The following ZFAT variants were observed in gnomAD, a reference collection of about 807,000 sequenced individuals.
The protein encoded by ZFAT is zinc finger and AT-hook domain containing.
A neutral mutation model predicts 117.7 loss-of-function variants in ZFAT; 64 were observed. The ratio of observed to expected loss-of-function variants is 0.54; its 90% CI spans 0.44 to 0.67. The LOEUF (loss-of-function observed/expected upper bound fraction) is 0.67. ZFAT is among the 30% of genes least tolerant of loss of function. The probability of loss-of-function intolerance (pLI) is 0.00; values close to 1 mark genes in which losing one functional copy is unlikely to be tolerated. For synonymous variants in ZFAT, 679 were observed against 615.0 expected (o/e 1.10, Z -1.54); for missense variants, 1,433 against 1,584.5 (o/e 0.90, Z 1.62).
the ZFAT span, among the ~76,000 whole-genome samples, chr8:134,748,632 C>G: frequency 6.6e-6 from 1 of 152,196 alleles, no homozygotes; most frequent in African/African-American, 2.4e-5. Flanking sequence ...CTTCACTATA[C>G]AACGCGACAC....
At position 134,689,036 on chromosome 8, in the gene ZFAT, G is replaced by A. The variant is rs145541772; in HGVS notation, c.19+23809C>T. ...TGCAGTTTACTAACATCACACTGAG[G>A]TAGAAGGCAGGCAGGATTCAACTCC... On this transcript the variant is annotated intron_variant, in intron 1 of 15. Coordinates refer to ENST00000377838, the MANE Select transcript of ZFAT (RefSeq NM_020863.4). Among the ~76,000 whole-genome samples the A allele has an allele frequency of 3.0e-4, 45 of 152,278 alleles. No individual in the cohort carries two copies. The East Asian group carries it at 8.3e-3, about 28-fold the overall frequency.
intron 2 of ZFAT, among the ~76,000 whole-genome samples, chr8:134,644,144 CA>C (rs1830740478): frequency 6.6e-6 from 1 of 152,186 alleles, no homozygotes; most frequent in Non-Finnish European, 1.5e-5. Context: ...ATTTGCCATT[CA>C]CCAGCTAGGG....
intron 3 of ZFAT, among the ~76,000 whole-genome samples, chr8:134,625,054 A>G (rs58948487): frequency 0.23 from 35,333 of 152,082 alleles, 4,542 homozygotes; most frequent in African/African-American, 0.33. Flanking sequence ...TTCACTCCAC[A>G]CTGCTAATAA....
At chr8:134,671,175 C>T (rs974352012) in intron 1 of ZFAT, among the ~76,000 whole-genome samples, 3 of 152,192 alleles carry the variant, frequency 2.0e-5, no homozygotes, top group African/African-American at 7.2e-5. Flanking sequence ...ACCAGAGGTA[C>T]AAGGAGGAGC....
chr8:134,493,503 A>G (rs1009881892), intron 15 of ZFAT, among the ~76,000 whole-genome samples: 4 of 152,256 alleles, frequency 2.6e-5, no homozygotes, highest in African/African-American at 9.6e-5. Flanking sequence ...TACCTCTTGC[A>G]TGTCTCGGCA....
intron 1 of ZFAT, among the ~76,000 whole-genome samples, chr8:134,702,604 C>G (rs1254154308): frequency 1.3e-5 from 2 of 152,056 alleles, no homozygotes; most frequent in Admixed American, 1.3e-4. Context: ...CTTTTGCCTT[C>G]TGCCATGATT....
chr8:134,813,004 C>T, the ZFAT span, among the ~76,000 whole-genome samples: 1 of 152,134 alleles, frequency 6.6e-6, no homozygotes, highest in Non-Finnish European at 1.5e-5. Context: ...ACTGTCTGTG[C>T]TGTTAACTGA....
At chr8:134,633,045 A>G (rs1214295699) in intron 3 of ZFAT, among the ~76,000 whole-genome samples, 1 of 152,200 alleles carries the variant, frequency 6.6e-6, no homozygotes, top group Non-Finnish European at 1.5e-5. Flanking sequence ...CACATTCTAC[A>G]GGGCAGTTTG....
chr8:134,617,540 T>C (rs1298019066), intron 3 of ZFAT, among the ~76,000 whole-genome samples: 3 of 152,170 alleles, frequency 2.0e-5, no homozygotes, highest in Non-Finnish European at 4.4e-5. Flanking sequence ...TAATGTAGAC[T>C]CAGGGACCCC....
At chr8:134,613,996 A>AGTGG (rs1260194991) in intron 3 of ZFAT, among the ~76,000 whole-genome samples, 1 of 152,238 alleles carries the variant, frequency 6.6e-6, no homozygotes, top group Admixed American at 6.5e-5. Context: ...TCTCATTGTT[A>AGTGG]AACTCGTTTT....
At chr8:134,612,932 G>GT (rs1467414735) in intron 3 of ZFAT, among the ~76,000 whole-genome samples, 1 of 152,150 alleles carries the variant, frequency 6.6e-6, no homozygotes, top group Admixed American at 6.5e-5. Context: ...CCTAACAGCA[G>GT]TTTTCATTTT....
At chr8:134,795,702 T>G in the ZFAT span, 3 of 152,182 alleles carry the variant, frequency 2.0e-5, no homozygotes, top group African/African-American at 7.2e-5. Flanking sequence ...TGGTGTTTAA[T>G]TTTTAGTCTC....
At chr8:134,495,608 C>G (rs79406644) in intron 15 of ZFAT, among the ~76,000 whole-genome samples, 2,340 of 152,240 alleles carry the variant, frequency 0.015, 62 homozygotes, top group African/African-American at 0.052. Context: ...GTTTACCTCC[C>G]TGGACCAAGC....
the ZFAT span, chr8:134,797,685 C>A: frequency 6.6e-6 from 1 of 151,772 alleles, no homozygotes; most frequent in South Asian, 2.1e-4. Flanking sequence ...AGTAAAAATA[C>A]CCTTGGGACT....
chr8:134,553,478 G>A (rs939504727), intron 11 of ZFAT, among the ~76,000 whole-genome samples: 3 of 152,204 alleles, frequency 2.0e-5, no homozygotes, highest in African/African-American at 7.2e-5. Context: ...ACTACAGCCT[G>A]GGCAACAGAG....
intron 9 of ZFAT, among the ~76,000 whole-genome samples, chr8:134,586,419 C>T (rs1826071317): frequency 6.6e-6 from 1 of 152,220 alleles, no homozygotes. Flanking sequence ...TACAGATAAA[C>T]AAACTGAGTT....
chr8:134,585,588 A>T (rs1005919509), intron 9 of ZFAT, among the ~76,000 whole-genome samples: 1 of 152,218 alleles, frequency 6.6e-6, no homozygotes, highest in Admixed American at 6.5e-5. Context: ...ACATATTTCC[A>T]TTAACATCTT....
At chr8:134,530,543 C>T (rs754247592) in intron 12 of ZFAT, among the ~76,000 whole-genome samples, 4 of 152,222 alleles carry the variant, frequency 2.6e-5, no homozygotes, top group South Asian at 2.1e-4. Flanking sequence ...CAGAGCACAA[C>T]GGCGCATGGC....
At chr8:134,736,710 C>T in the ZFAT span, among the ~76,000 whole-genome samples, 4 of 152,110 alleles carry the variant, frequency 2.6e-5, no homozygotes, top group Non-Finnish European at 4.4e-5. Flanking sequence ...ATCCTCCCAC[C>T]GCAGCCTCCT....
Sources: gnomAD v4.1 joint callset for allele counts (sites outside exome capture counted in the v4.1 genomes callset) on GRCh38, gnomAD v4.1.1 for gene constraint, MANE v1.5 for transcripts, NCBI Gene and HGNC (gene_info 2026-07-23, HGNC 2026-07-21) for gene names.